The following RAET1L variants were observed in gnomAD, a reference collection of about 807,000 sequenced individuals.
RAET1L encodes UL16-binding protein 6.
RAET1L carries 16 observed loss-of-function variants against 23.9 expected under a neutral mutation model. The observed-to-expected ratio is 0.67, with a 90% CI of 0.45 to 1.02. The LOEUF (loss-of-function observed/expected upper bound fraction) is 1.02, where lower values mean the gene tolerates loss of function less well. RAET1L is among the 50% of genes least tolerant of loss of function. The probability of loss-of-function intolerance (pLI) is 0.00; values close to 1 mark genes in which losing one functional copy is unlikely to be tolerated. For synonymous variants in RAET1L, 70 were observed against 111.2 expected (o/e 0.63, Z 2.33); for missense variants, 233 against 304.0 (o/e 0.77, Z 1.74).
chr6:150,021,847 C>G (rs1779892974), intron 2 of RAET1L, 133 bp downstream of exon 2: 2 of 1,260,892 alleles, frequency 1.6e-6, no homozygotes, highest in Non-Finnish European at 2.2e-6. Context: ...CCACCTCTAC[C>G]TCACAAAGTG....
At chr6:150,024,589 G>C (rs1054147961) in intron 1 of RAET1L, among the ~76,000 whole-genome samples, 5 of 151,660 alleles carry the variant, frequency 3.3e-5, no homozygotes, top group African/African-American at 1.2e-4. Context: ...GCAGAAGTGG[G>C]TGCCTCTACT....
intron 1 of RAET1L, among the ~76,000 whole-genome samples, chr6:150,024,700 C>T (rs1779926699): frequency 6.6e-6 from 1 of 152,024 alleles, no homozygotes; most frequent in Non-Finnish European, 1.5e-5. Context: ...GGTGTGTCCT[C>T]AGGCAAGAGG....
chr6:150,021,931 A>T lies in RAET1L; in HGVS notation c.349+49T>A, dbSNP rs779413781. The stretch of plus-strand genomic sequence containing the variant: ...TACATGAAAACTATAAATGCCTCTA[A>T]CCTACCACTGTATCTGCTCCCTGCT... On this transcript the variant is annotated intron_variant, in intron 2 of 4. Coordinates refer to ENST00000367341, the MANE Select transcript of RAET1L (RefSeq NM_130900.3). 19 of 1,608,910 alleles carry T rather than the reference A, an allele frequency of 1.2e-5. No individual in the cohort carries two copies. The South Asian group carries it at 2.1e-4, about 18-fold the overall frequency.
chr6:150,022,118 C>G lies in RAET1L; in HGVS notation c.211G>C (p.Val71Leu). 1 of 1,601,708 alleles carries G rather than the reference C, an allele frequency of 6.2e-7. No individual in the cohort carries two copies. Among genetic ancestry groups the G allele is most frequent in the Non-Finnish European group, 8.5e-7 (1 of 1,175,620 alleles). Residue 71 changes from valine (V) to leucine (L), a missense_variant, in exon 2 of 5, where the codon GTC (valine) becomes CTC (leucine). Coordinates refer to ENST00000367341, the MANE Select transcript of RAET1L (RefSeq NM_130900.3). ...FLHYDCGNKT[V>L]TPVSPLGKKL... ...TTCCCCAGGGGACTGACGGGTGTGA[C>G]TGTCTTGTTGCCACAGTCATAGTGA... is the stretch of plus-strand genomic sequence containing the variant.
rs1333675446 is a variant in RAET1L, at chr6:150,022,039, A to C, written c.290T>G (p.Val97Gly). The C allele has an allele frequency of 5.0e-6, 7 of 1,408,736 alleles. No homozygotes were observed. In the Admixed American group the frequency reaches 1.2e-4, roughly 25 times the overall value. The allele number at this position is 1,408,736 out of a possible 1,614,324, so 87.3% of individuals were successfully genotyped here. ...CAGTTGCTCTGTAAGTATGTCCACC[A>C]CCTCTCTCAGTACTGGGTTCTGTGC... The part of the protein sequence containing the change: ...WKAQNPVLRE[V>G]VDILTEQLLD... Residue 97 changes from valine (V) to glycine (G), a missense_variant, in exon 2 of 5, where the codon GTG becomes GGG. Physicochemically the swap from Val to Gly is moderately radical, Grantham distance 109 (BLOSUM62 -3). Coordinates refer to ENST00000367341, the MANE Select transcript of RAET1L (RefSeq NM_130900.3).
At chr6:150,024,946 G>A (rs1442702243) in intron 1 of RAET1L, among the ~76,000 whole-genome samples, 7 of 152,138 alleles carry the variant, frequency 4.6e-5, no homozygotes, top group African/African-American at 1.7e-4. Flanking sequence ...GAGGGTTTGT[G>A]TGGTAGAGAG....
In RAET1L at chr6:150,025,401, C is replaced by T. The variant is rs776073205; in HGVS notation, c.71G>A (p.Arg24Gln). 2 of 1,613,936 alleles carry T rather than the reference C, an allele frequency of 1.2e-6. No individual in the cohort carries two copies. Among genetic ancestry groups the T allele is most frequent in the Non-Finnish European group, 1.7e-6 (2 of 1,179,836 alleles). Residue 24 changes from arginine to glutamine, a missense_variant, in exon 1 of 5, where the codon CGG becomes CAG. Coordinates refer to ENST00000367341, the MANE Select transcript of RAET1L (RefSeq NM_130900.3). ...CACCAGCTCACCGTCTCGCCTAGCC[C>T]GGGACCAGCCGAACAGCAGGAACAG... ...PLLFLLFGWSRARRDDPHSLC... is the reference protein window; with the variant it reads ...PLLFLLFGWSQARRDDPHSLC...
chr6:150,025,079 G>C (rs1472144970), intron 1 of RAET1L, among the ~76,000 whole-genome samples: 1 of 152,128 alleles, frequency 6.6e-6, no homozygotes, highest in Non-Finnish European at 1.5e-5. Context: ...TTCTCCTTCC[G>C]AAAGGCGGGT....
Position 150,025,501 on chromosome 6 carries a change from T to C in RAET1L, c.-30A>G. 6.3e-7 allele frequency: 1 copy of C among 1,578,502 alleles called. No individual in the cohort carries two copies. Among genetic ancestry groups the C allele is most frequent in the Non-Finnish European group, 8.7e-7 (1 of 1,148,626 alleles). On this transcript the variant is annotated 5_prime_UTR_variant, in exon 1 of 5. Coordinates refer to ENST00000367341, the MANE Select transcript of RAET1L (RefSeq NM_130900.3). The stretch of plus-strand genomic sequence containing the variant: ...GACCAGGAGGGCTGGGGACAAGAGA[T>C]TTAATCAAGGTGGATCCTGGAAGAT...
chr6:150,024,840 G>A (rs1166985013), intron 1 of RAET1L, among the ~76,000 whole-genome samples: 5 of 152,262 alleles, frequency 3.3e-5, no homozygotes, highest in Non-Finnish European at 7.4e-5. Flanking sequence ...GATGGTGAGG[G>A]GAGGGGTGGC....
At chr6:150,025,327 G>A (rs1775874710) in intron 1 of RAET1L, 60 bp downstream of exon 1, 1 of 1,417,866 alleles carries the variant, frequency 7.1e-7, no homozygotes, top group Non-Finnish European at 9.9e-7. Context: ...GAAACCCGCT[G>A]CAGTCCACAG....
intron 3 of RAET1L, among the ~76,000 whole-genome samples, chr6:150,020,506 A>G (rs1331645726): frequency 6.6e-6 from 1 of 152,156 alleles, no homozygotes; most frequent in Non-Finnish European, 1.5e-5. Context: ...GTGATGCCCC[A>G]GAGTTGGGGA....
At chr6:150,021,597 C>CT (rs750629393) in intron 2 of RAET1L, among the ~76,000 whole-genome samples, 3,279 of 92,584 alleles carry the variant, frequency 0.035, 345 homozygotes, top group Admixed American at 0.1. Flanking sequence ...CTGCACCTGG[C>CT]TTTTTTTTTT....
At chr6:150,021,909 A>G (rs1190520054) in intron 2 of RAET1L, 71 bp downstream of exon 2, 4 of 1,582,908 alleles carry the variant, frequency 2.5e-6, no homozygotes, top group Admixed American at 1.7e-5. Flanking sequence ...GTATTTTTAC[A>G]TGAAAACTAT....
At chr6:150,019,154 A>G (rs1228523330) in intron 4 of RAET1L, among the ~76,000 whole-genome samples, 1 of 152,178 alleles carries the variant, frequency 6.6e-6, no homozygotes, top group Non-Finnish European at 1.5e-5. Context: ...ATCTGATGAC[A>G]GGGTCTAAAA....
At chr6:150,024,429 A>G (rs1779922743) in intron 1 of RAET1L, among the ~76,000 whole-genome samples, 1 of 152,176 alleles carries the variant, frequency 6.6e-6, no homozygotes, top group Non-Finnish European at 1.5e-5. Flanking sequence ...ACAGGACTGG[A>G]CACAGAGACG....
At position 150,022,114 on chromosome 6, in the gene RAET1L, G is replaced by A. The variant is rs1332832529; in HGVS notation, c.215C>T (p.Thr72Ile). The A allele has an allele frequency of 4.4e-6, 7 of 1,601,780 alleles. No individual in the cohort carries two copies. In the South Asian group the frequency reaches 7.8e-5, roughly 18 times the overall value. ...LHYDCGNKTV[T>I]PVSPLGKKLN... The stretch of plus-strand genomic sequence containing the variant: ...TTTCTTCCCCAGGGGACTGACGGGT[G>A]TGACTGTCTTGTTGCCACAGTCATA... Residue 72 changes from threonine (T) to isoleucine (I), a missense_variant, in exon 2 of 5, where the codon ACA becomes ATA. Physicochemically the swap from Thr to Ile is moderately conservative, Grantham distance 89. Transcript: ENST00000367341.
chr6:150,024,017 G>A (rs1779916633), intron 1 of RAET1L, among the ~76,000 whole-genome samples: 1 of 152,116 alleles, frequency 6.6e-6, no homozygotes, highest in African/African-American at 2.4e-5. Context: ...GGATGGGCAG[G>A]AGCAGGGCCA....
At position 150,024,890 on chromosome 6, in the gene RAET1L, A is replaced by G. The variant is rs542422649; in HGVS notation, c.85+497T>C. Among the ~76,000 whole-genome samples the G allele has an allele frequency of 2.0e-5, 3 of 152,206 alleles. No homozygotes were observed. The South Asian group carries it at 6.2e-4, about 32-fold the overall frequency. The stretch of plus-strand genomic sequence containing the variant: ...CCCCTGGGTGCAGGTGAGTGTCTAC[A>G]GGAAAAGTGCGGGGAAAACAAAGGC... On this transcript the variant is annotated intron_variant, in intron 1 of 4. Coordinates refer to ENST00000367341, the MANE Select transcript of RAET1L (RefSeq NM_130900.3).
Sources: gnomAD v4.1 joint callset for allele counts (sites outside exome capture counted in the v4.1 genomes callset) on GRCh38, gnomAD v4.1.1 for gene constraint, MANE v1.5 for transcripts, NCBI Gene and HGNC (gene_info 2026-07-23, HGNC 2026-07-21) for gene names.